The following PIEZO2 variants were observed in gnomAD, a reference collection of about 807,000 sequenced individuals.
PIEZO2 encodes piezo-type mechanosensitive ion channel component 2.
Under a neutral mutation model 337.3 loss-of-function variants are expected in PIEZO2, and 172 were observed. That is an observed-to-expected ratio of 0.51 (90% CI 0.45 to 0.58). The LOEUF (loss-of-function observed/expected upper bound fraction) is 0.58. Ranked by LOEUF, PIEZO2 falls within the 20% of genes least tolerant of loss-of-function variation. PIEZO2 has a pLI of 0.00. For missense variants in PIEZO2, 3,028 were observed against 3,391.3 expected, an observed-to-expected ratio of 0.89 and a Z score of 2.66; for synonymous variants, 1,251 against 1,228.5, an observed-to-expected ratio of 1.02 and a Z score of -0.38.
rs866759573 is a variant in PIEZO2 at position 10,704,643 on chromosome 18, G to T, written c.6009C>A (p.His2003Gln). 2.0e-6 allele frequency: 3 copies of T among 1,536,202 alleles called. No individual in the cohort carries two copies. The highest frequency in any genetic ancestry group is 3.9e-5 in the Admixed American group (2 of 50,970). Residue 2003 changes from histidine (H) to glutamine (Q), a missense_variant, in exon 42 of 56, where the codon CAC (histidine) becomes CAA (glutamine). This residue lies in a region of PIEZO2 where 1,925 missense variants were observed against 2,051.9 expected (regional missense o/e 0.94). Transcript: ENST00000674853. Reference sequence around the variant, plus strand: ...TCTCTGACTCTTCAAGCTCATCGTCGTGAAACATCCTGTTAAAGCAAACCA... The same window carrying T: ...TCTCTGACTCTTCAAGCTCATCGTCTTGAAACATCCTGTTAAAGCAAACCA... Reference protein sequence around the residue: ...ASELLLKKMFHDDELEESEKF... With the variant: ...ASELLLKKMFQDDELEESEKF...
Position 11,009,832 on chromosome 18 carries a change from G to A in PIEZO2, c.161-30172C>T, listed in dbSNP as rs1187101060. Among the ~76,000 whole-genome samples, 1 of 151,950 alleles carries A rather than the reference G, an allele frequency of 6.6e-6. No homozygotes were observed. ...TTGTAAGAAGAGGAGAGTAGGACGC[G>A]GACAGGCACAGAAGGGAGACCGCAT... On this transcript the variant is annotated intron_variant, in intron 2 of 55. Coordinates refer to ENST00000674853, the MANE Select transcript of PIEZO2 (RefSeq NM_001378183.1). The surrounding 1 kb of genome is among the most constrained non-coding windows in gnomAD (Gnocchi z 4.6).
rs1306007091 is a variant in PIEZO2 at position 10,716,129 on chromosome 18, G to A, written c.5090-313C>T. Among the ~76,000 whole-genome samples the A allele has an allele frequency of 6.6e-6, 1 of 152,132 alleles. No homozygotes were observed. The highest frequency in any genetic ancestry group is 2.4e-5 in the African/African-American group (1 of 41,422). ...TTTGGACAGCGTGGATCCACTCTAC[G>A]CGTGGATTGTTTTCAGTAAAAGTTA... is the stretch of plus-strand genomic sequence containing the variant. On this transcript the variant is annotated intron_variant, in intron 37 of 55. Coordinates refer to ENST00000674853, the MANE Select transcript of PIEZO2 (RefSeq NM_001378183.1). The surrounding 1 kb of genome is among the most constrained non-coding windows in gnomAD (Gnocchi z 4.1).
Position 10,752,718 on chromosome 18 carries a change from T to C in PIEZO2, c.4085A>G (p.Lys1362Arg), listed in dbSNP as rs1053484878. 1.9e-5 allele frequency: 29 copies of C among 1,537,076 alleles called. 1 individual carries two copies. In the Admixed American group the frequency reaches 5.7e-4, roughly 30 times the overall value. The change falls in exon 28 of 56, where the codon AAA (lysine) becomes AGA (arginine). Residue 1362 changes from lysine to arginine, a missense_variant. Transcript: ENST00000674853. The stretch of plus-strand genomic sequence containing the variant: ...GTAGCGCAGGATGCTCTTGATGGGT[T>C]TCAACAGCAAATCGCCCCCAAAGAG... ...FLLFGGDLLLKPIKSILRYWD... is the reference protein window; with the variant it reads ...FLLFGGDLLLRPIKSILRYWD...
intron 4 of PIEZO2, among the ~76,000 whole-genome samples, chr18:10,889,214 A>G (rs1299402897): frequency 1.3e-5 from 2 of 152,200 alleles, no homozygotes; most frequent in Non-Finnish European, 2.9e-5. Context: ...TTCCCCAAGT[A>G]CTATCAGTTT....
rs753322284 is a variant in PIEZO2, at chr18:10,872,320, G to A, written c.330-905C>T. Among the ~76,000 whole-genome samples the A allele has an allele frequency of 1.3e-5, 2 of 152,170 alleles. No homozygotes were observed. The highest frequency in any genetic ancestry group is 2.9e-5 in the Non-Finnish European group (2 of 68,038). ...ATATAGCAGGCAGCAAAGGCCAGAAGGTGAAGTGGAGAGTAGAAAGGGCTT... is the reference window on the plus strand; with the variant it reads ...ATATAGCAGGCAGCAAAGGCCAGAAAGTGAAGTGGAGAGTAGAAAGGGCTT... On this transcript the variant is annotated intron_variant, in intron 4 of 55. Coordinates refer to ENST00000674853, the MANE Select transcript of PIEZO2 (RefSeq NM_001378183.1). This position sits in a 1 kb window ranked among gnomAD's most constrained non-coding sequence, Gnocchi z 4.3.
At position 10,824,897 on chromosome 18, in the gene PIEZO2, T is replaced by G. The variant is rs192483814; in HGVS notation, c.918-17623A>C. Reference sequence around the variant, plus strand: ...ATTTTTGTTTGAAACAGAGTCTTTCTCTGTCACCCAGGCTGGAGTGCAGTG... The same window carrying G: ...ATTTTTGTTTGAAACAGAGTCTTTCGCTGTCACCCAGGCTGGAGTGCAGTG... On this transcript the variant is annotated intron_variant, in intron 7 of 55. Transcript: ENST00000674853. This position sits in a 1 kb window ranked among gnomAD's most constrained non-coding sequence, Gnocchi z 4.4. Among the ~76,000 whole-genome samples the G allele has an allele frequency of 2.2e-3, 338 of 152,326 alleles. No homozygotes were observed. The highest frequency in any genetic ancestry group is 7.9e-3 in the African/African-American group (327 of 41,574).
In PIEZO2 at chr18:10,741,116, C is replaced by T. The variant is rs545693558; in HGVS notation, c.4637-14G>A. 3.6e-5 allele frequency: 55 copies of T among 1,528,548 alleles called. 2 individuals carry two copies. The South Asian group carries it at 5.3e-4, about 15-fold the overall frequency. The allele number at this position is 1,528,548 out of a possible 1,614,324, so 94.7% of individuals were successfully genotyped here. Reference sequence around the variant, plus strand: ...TGTCTGCTTCTCCTAAAATAAAATACGTCCACATATTAATTCGTATAAAGT... The same window carrying T: ...TGTCTGCTTCTCCTAAAATAAAATATGTCCACATATTAATTCGTATAAAGT... On this transcript the variant is annotated splice_polypyrimidine_tract_variant and intron_variant, in intron 32 of 55. Transcript: ENST00000674853.
At chr18:10,998,353 CACAT>C (rs1203416410) in intron 2 of PIEZO2, among the ~76,000 whole-genome samples, 14 of 110,492 alleles carry the variant, frequency 1.3e-4, no homozygotes, top group South Asian at 2.6e-4. Flanking sequence ...CACACACATA[CACAT>C]ACACACACAC....
rs1309253191 is a variant in PIEZO2, at chr18:11,109,235, G to T, written c.64+39290C>A. On this transcript the variant is annotated intron_variant, in intron 1 of 55. Transcript: ENST00000674853. This position sits in a 1 kb window ranked among gnomAD's most constrained non-coding sequence, Gnocchi z 5.1. ...GCTGGAGATTTTATTAGCACTTTAT[G>T]GTCCACATGATCATTTAAGGAGGGT... 6.6e-6 allele frequency among the ~76,000 whole-genome samples: 1 copy of T among 152,138 alleles called. No individual in the cohort carries two copies. The highest frequency in any genetic ancestry group is 1.5e-5 in the Non-Finnish European group (1 of 68,020).
At chr18:10,793,027 A>C (rs890317757) in intron 13 of PIEZO2, among the ~76,000 whole-genome samples, 1 of 152,192 alleles carries the variant, frequency 6.6e-6, no homozygotes, top group Non-Finnish European at 1.5e-5. Flanking sequence ...AGGCCGAGGC[A>C]GGTGGATCAT....
chr18:10,908,053 A>C (rs2030118639), intron 4 of PIEZO2, among the ~76,000 whole-genome samples: 1 of 152,230 alleles, frequency 6.6e-6, no homozygotes, highest in Non-Finnish European at 1.5e-5. Context: ...GAAGGTGTAA[A>C]TGACACATTA....
In PIEZO2 at chr18:11,116,728, A is replaced by G. The variant is rs893409728; in HGVS notation, c.64+31797T>C. Among the ~76,000 whole-genome samples, 4 of 134,118 alleles carry G rather than the reference A, an allele frequency of 3.0e-5. No individual in the cohort carries two copies. The highest frequency in any genetic ancestry group is 1.3e-4 in the African/African-American group (4 of 30,446). The allele number at this position is 134,118 out of a possible 152,430, so 88.0% of individuals were successfully genotyped here. ...AGACTCCGTCTCAAAAAAAACAAAG[A>G]AAAAAAAAAATCATTCCATTTATCT... On this transcript the variant is annotated intron_variant, in intron 1 of 55. Coordinates refer to ENST00000674853, the MANE Select transcript of PIEZO2 (RefSeq NM_001378183.1). The surrounding 1 kb of genome is among the most constrained non-coding windows in gnomAD (Gnocchi z 5.0).
intron 1 of PIEZO2, among the ~76,000 whole-genome samples, chr18:11,140,477 C>T (rs1044065309): frequency 2.0e-5 from 3 of 152,348 alleles, no homozygotes; most frequent in Admixed American, 6.5e-5. Context: ...CCCATTCCCA[C>T]ACACTTTCCT....
rs10603024 is a variant in PIEZO2 at position 10,931,713 on chromosome 18, TGAGA to T, written c.287-20489_287-20486del. Among the ~76,000 whole-genome samples, 594 of 147,356 alleles carry T rather than the reference TGAGA, an allele frequency of 4.0e-3. 3 individuals are homozygous for T. The highest frequency in any genetic ancestry group is 0.032 in the East Asian group (158 of 4,926). On this transcript the variant is annotated intron_variant, in intron 3 of 55. Coordinates refer to ENST00000674853, the MANE Select transcript of PIEZO2 (RefSeq NM_001378183.1). Reference sequence around the variant, plus strand: ...TCTCTGTGTGGTGTGTGTGTGTGTGTGAGAGAGAGAGAGAGAGAGAGAGAGAGAG... The same window carrying T: ...TCTCTGTGTGGTGTGTGTGTGTGTGTGAGAGAGAGAGAGAGAGAGAGAGAG...
chr18:10,860,647 C>T (rs1055342679), intron 5 of PIEZO2, among the ~76,000 whole-genome samples: 2 of 152,234 alleles, frequency 1.3e-5, no homozygotes, highest in Non-Finnish European at 2.9e-5. Context: ...AACCTTTAGT[C>T]ATTGCACTTG....
intron 1 of PIEZO2, among the ~76,000 whole-genome samples, chr18:11,100,670 A>G (rs2039386965): frequency 6.6e-6 from 1 of 151,924 alleles, no homozygotes; most frequent in African/African-American, 2.4e-5. Flanking sequence ...GTTTTGGCTC[A>G]CTGCAACCTC....
Position 10,825,550 on chromosome 18 carries a change from C to CTTTTTTTTTTT in PIEZO2, c.918-18287_918-18277dup, listed in dbSNP as rs57159292. ...TTTTTCCACTTTCTTTCCTTTCTTC[C>CTTTTTTTTTTT]TTTTTTTTTTTTTTTTTTGAGACAG... On this transcript the variant is annotated intron_variant, in intron 7 of 55. Coordinates refer to ENST00000674853, the MANE Select transcript of PIEZO2 (RefSeq NM_001378183.1). Among the ~76,000 whole-genome samples the CTTTTTTTTTTT allele has an allele frequency of 6.9e-3, 789 of 113,734 alleles. 24 individuals are homozygous for CTTTTTTTTTTT. Among genetic ancestry groups the CTTTTTTTTTTT allele is most frequent in the African/African-American group, 0.027 (743 of 27,368 alleles). 74.6% of individuals were successfully genotyped at this position (113,734 alleles called of 152,430 possible). A position where few individuals can be genotyped will look rare whatever the true frequency, so the allele number is the denominator to read the frequency against.
intron 2 of PIEZO2, among the ~76,000 whole-genome samples, chr18:11,000,797 A>G (rs996035654): frequency 2.0e-5 from 3 of 152,178 alleles, no homozygotes; most frequent in African/African-American, 4.8e-5. Context: ...AGGGACACCT[A>G]TGGAGAGTTC....
chr18:10,871,500 T>C (rs2042141058), intron 4 of PIEZO2, 85 bp from the exon 5 acceptor site: 1 of 1,264,532 alleles, frequency 7.9e-7, no homozygotes, highest in East Asian at 2.6e-5. Context: ...GTTTTGGTCT[T>C]CTTAATGATT....
Sources: gnomAD v4.1 joint callset for allele counts (sites outside exome capture counted in the v4.1 genomes callset) on GRCh38, gnomAD v4.1.1 for gene constraint, gnomAD v4.1.1 regional missense constraint, Gnocchi (gnomAD v3.1) non-coding constraint, MANE v1.5 for transcripts, NCBI Gene and HGNC (gene_info 2026-07-23, HGNC 2026-07-21) for gene names.